KCNH7: variants seen among roughly 807,000 people sequenced by gnomAD.
KCNH7 encodes potassium voltage-gated channel subfamily H member 7, also known as voltage-gated inwardly rectifying potassium channel KCNH7.
A neutral mutation model predicts 120.8 loss-of-function variants in KCNH7; 49 were observed. The observed-to-expected ratio is 0.41, with a 90% CI of 0.32 to 0.51. The LOEUF (loss-of-function observed/expected upper bound fraction) is 0.51. KCNH7 is among the 20% of genes least tolerant of loss of function. The pLI, the probability that KCNH7 is intolerant of heterozygous loss-of-function variation, is 0.38. For synonymous variants in KCNH7, 547 were observed against 516.1 expected (o/e 1.06, Z -0.81); for missense variants, 1,097 against 1,446.6 (o/e 0.76, Z 3.92).
intron 6 of KCNH7, among the ~76,000 whole-genome samples, chr2:162,466,315 G>A (rs1689303085): frequency 6.6e-6 from 1 of 152,114 alleles, no homozygotes; most frequent in Non-Finnish European, 1.5e-5. Flanking sequence ...AAAAAGAAGA[G>A]GTTTAATTCA....
chr2:162,684,583 A>G (rs1168551627), intron 2 of KCNH7, among the ~76,000 whole-genome samples: 1 of 152,206 alleles, frequency 6.6e-6, no homozygotes. Context: ...TATGTGGCCA[A>G]CAAACATGAA....
chr2:162,562,072 C>T (rs557744833), intron 2 of KCNH7, among the ~76,000 whole-genome samples: 2 of 152,032 alleles, frequency 1.3e-5, no homozygotes, highest in Admixed American at 6.6e-5. Context: ...TGGTCGGGGG[C>T]TAGGGGACGG....
chr2:162,443,029 A>G (rs1410577463), intron 7 of KCNH7, among the ~76,000 whole-genome samples: 1 of 152,184 alleles, frequency 6.6e-6, no homozygotes, highest in Non-Finnish European at 1.5e-5. Context: ...TATCCCAGAT[A>G]TGGCTACTGG....
intron 7 of KCNH7, among the ~76,000 whole-genome samples, chr2:162,442,031 T>TTTTG: frequency 7.5e-6 from 1 of 132,924 alleles, no homozygotes; most frequent in Non-Finnish European, 1.6e-5. Flanking sequence ...TTTTTTTTTT[T>TTTTG]TTTGAGATGG....
intron 2 of KCNH7, among the ~76,000 whole-genome samples, chr2:162,664,466 T>C (rs1325610096): frequency 1.3e-5 from 2 of 152,260 alleles, no homozygotes; most frequent in Non-Finnish European, 1.5e-5. Flanking sequence ...GAAGATGACA[T>C]TGAATGGTAA....
chr2:162,579,443 T>C (rs1228086228), intron 2 of KCNH7, among the ~76,000 whole-genome samples: 1 of 152,110 alleles, frequency 6.6e-6, no homozygotes, highest in Non-Finnish European at 1.5e-5. Flanking sequence ...AAGGAGGTAA[T>C]GTCCTTCTTG....
In KCNH7 at chr2:162,414,287, A is replaced by G. The variant is rs888296020; in HGVS notation, c.2154+9049T>C. ...AGAATCTACCCATAAATATAAAAGT[A>G]TAAGTAAGGGAAAATATGTAAGTGG... On this transcript the variant is annotated intron_variant, in intron 9 of 15. Transcript: ENST00000332142. Among the ~76,000 whole-genome samples the G allele has an allele frequency of 3.9e-5, 6 of 152,020 alleles. No homozygotes were observed. In the East Asian group the frequency reaches 1.2e-3, roughly 29 times the overall value.
chr2:162,804,055 T>G (rs1053822647), intron 2 of KCNH7, among the ~76,000 whole-genome samples: 1 of 151,828 alleles, frequency 6.6e-6, no homozygotes, highest in Non-Finnish European at 1.5e-5. Context: ...TGAGAATAGG[T>G]AGTTGATGAG....
intron 2 of KCNH7, among the ~76,000 whole-genome samples, chr2:162,669,745 C>A (rs1574245065): frequency 6.6e-6 from 1 of 152,168 alleles, no homozygotes; most frequent in Non-Finnish European, 1.5e-5. Flanking sequence ...GACAGCCCCC[C>A]ACCCAAAGAA....
At chr2:162,606,256 C>T (rs1682762681) in intron 2 of KCNH7, among the ~76,000 whole-genome samples, 2 of 151,428 alleles carry the variant, frequency 1.3e-5, no homozygotes, top group Admixed American at 1.3e-4. Context: ...AGTCTGTAGC[C>T]CAGGAGAAAC....
intron 2 of KCNH7, among the ~76,000 whole-genome samples, chr2:162,673,259 G>A (rs1020503091): frequency 4.6e-5 from 7 of 151,892 alleles, no homozygotes; most frequent in Non-Finnish European, 7.4e-5. Context: ...TATCACTCAT[G>A]GATATATGGT....
chr2:162,796,180 C>G (rs1332970711), intron 2 of KCNH7: 1 of 152,030 alleles, frequency 6.6e-6, no homozygotes, highest in Non-Finnish European at 1.5e-5. Context: ...TCATGTCTAC[C>G]ACTGAACAAC....
chr2:162,471,692 C>A (rs547343084), intron 6 of KCNH7, among the ~76,000 whole-genome samples: 11,140 of 152,122 alleles, frequency 0.073, 1,280 homozygotes, highest in African/African-American at 0.25. Context: ...AATGCCATCC[C>A]TATTAAGCTA....
intron 9 of KCNH7, among the ~76,000 whole-genome samples, chr2:162,406,999 T>C (rs1400250579): frequency 2.0e-5 from 3 of 152,018 alleles, no homozygotes; most frequent in South Asian, 4.1e-4. Flanking sequence ...ATATGTATTG[T>C]CTAGTTTGAA....
intron 2 of KCNH7, among the ~76,000 whole-genome samples, chr2:162,565,738 C>G (rs1693229445): frequency 6.6e-6 from 1 of 151,918 alleles, no homozygotes. Context: ...TATTTATAAA[C>G]TTTATTTATA....
chr2:162,825,893 T>C (rs1031204382), intron 2 of KCNH7, among the ~76,000 whole-genome samples: 1 of 152,134 alleles, frequency 6.6e-6, no homozygotes, highest in Non-Finnish European at 1.5e-5. Flanking sequence ...AGAAAAATTA[T>C]AGCTGCACTA....
chr2:162,579,978 C>T (rs771257875), intron 2 of KCNH7, among the ~76,000 whole-genome samples: 10 of 151,982 alleles, frequency 6.6e-5, no homozygotes, highest in Non-Finnish European at 1.2e-4. Context: ...TGGTGACACC[C>T]TCCTGAATAG....
At chr2:162,813,899 T>A (rs544399233) in intron 2 of KCNH7, among the ~76,000 whole-genome samples, 1 of 152,332 alleles carries the variant, frequency 6.6e-6, no homozygotes, top group South Asian at 2.1e-4. Context: ...GCTTTTTTCT[T>A]TGACTAGCTG....
intron 2 of KCNH7, among the ~76,000 whole-genome samples, chr2:162,553,829 C>T (rs1164103726): frequency 2.6e-5 from 4 of 152,088 alleles, no homozygotes; most frequent in Non-Finnish European, 4.4e-5. Flanking sequence ...ACAAGGTCCC[C>T]ACATGAGCAA....
Sources: allele counts gnomAD v4.1 joint callset (sites outside exome capture counted in the v4.1 genomes callset), GRCh38; gene constraint gnomAD v4.1.1; transcripts MANE v1.5; gene names NCBI Gene and HGNC (gene_info 2026-07-23, HGNC 2026-07-21).